The following ULK4 variants were observed in gnomAD, a reference collection of about 807,000 sequenced individuals.
The protein encoded by ULK4 is inactive serine/threonine-protein kinase ULK4.
ULK4 carries 133 observed loss-of-function variants against 160.6 expected under a neutral mutation model. The ratio of observed to expected loss-of-function variants is 0.83; its 90% CI spans 0.72 to 0.96. ULK4 has a LOEUF of 0.96. ULK4 is among the 40% of genes least tolerant of loss of function. ULK4 has a pLI of 0.00. For synonymous variants in ULK4, 534 were observed against 539.8 expected, an observed-to-expected ratio of 0.99 and a Z score of 0.15; for missense variants, 1,580 against 1,499.5, an observed-to-expected ratio of 1.05 and a Z score of -0.89.
At chr3:41,280,096 CAAG>C (rs1289458030) in intron 35 of ULK4, among the ~76,000 whole-genome samples, 1 of 152,188 alleles carries the variant, frequency 6.6e-6, no homozygotes, top group Non-Finnish European at 1.5e-5. Context: ...ACCAATTCAA[CAAG>C]AAGAGCTAAC....
chr3:41,922,176 T>C (rs1418441164), intron 5 of ULK4, among the ~76,000 whole-genome samples: 1 of 151,458 alleles, frequency 6.6e-6, no homozygotes, highest in Non-Finnish European at 1.5e-5. Flanking sequence ...AAAAATAAAA[T>C]AAGAAAGCTG....
chr3:41,953,297 T>TAC (rs1700359563), intron 2 of ULK4, among the ~76,000 whole-genome samples: 2 of 113,160 alleles, frequency 1.8e-5, no homozygotes, highest in Non-Finnish European at 3.5e-5. Context: ...TATATATATA[T>TAC]ATATATATTT....
At chr3:41,610,537 T>C (rs946116261) in intron 31 of ULK4, among the ~76,000 whole-genome samples, 3 of 152,214 alleles carry the variant, frequency 2.0e-5, no homozygotes, top group African/African-American at 7.2e-5. Flanking sequence ...ATTCCTTAAA[T>C]GTAATGTGAC....
chr3:41,961,182 G>A (rs1700653117), intron 1 of ULK4, among the ~76,000 whole-genome samples: 1 of 152,132 alleles, frequency 6.6e-6, no homozygotes, highest in African/African-American at 2.4e-5. Context: ...AAGAGTCGGG[G>A]GCAGGTCCTA....
chr3:41,277,456 C>A (rs1462983365), intron 35 of ULK4, among the ~76,000 whole-genome samples: 1 of 152,150 alleles, frequency 6.6e-6, no homozygotes, highest in Non-Finnish European at 1.5e-5. Flanking sequence ...ATATGCAAGT[C>A]AATAAATGTC....
intron 8 of ULK4, among the ~76,000 whole-genome samples, chr3:41,914,432 G>A (rs1161881974): frequency 6.6e-6 from 1 of 152,198 alleles, no homozygotes; most frequent in Non-Finnish European, 1.5e-5. Context: ...CTGTAGATGA[G>A]AGTGGGAGGG....
intron 31 of ULK4, among the ~76,000 whole-genome samples, chr3:41,570,834 C>T (rs2087948635): frequency 6.6e-6 from 1 of 152,110 alleles, no homozygotes; most frequent in Non-Finnish European, 1.5e-5. Flanking sequence ...GGACCCCCTG[C>T]CTGGAGATCC....
At chr3:41,590,335 G>A (rs1463233247) in intron 31 of ULK4, among the ~76,000 whole-genome samples, 1 of 151,490 alleles carries the variant, frequency 6.6e-6, no homozygotes, top group African/African-American at 2.4e-5. Context: ...AAAAAGAAGG[G>A]CCTGGTGCAG....
intron 35 of ULK4, among the ~76,000 whole-genome samples, chr3:41,268,338 T>A (rs746086768): frequency 2.0e-5 from 3 of 152,152 alleles, no homozygotes; most frequent in Non-Finnish European, 2.9e-5. Context: ...TCTTTTCCTC[T>A]CTCCTGAGGT....
At chr3:41,474,052 G>A (rs2084069229) in intron 32 of ULK4, among the ~76,000 whole-genome samples, 1 of 152,050 alleles carries the variant, frequency 6.6e-6, no homozygotes, top group Non-Finnish European at 1.5e-5. Flanking sequence ...AAATGGCCAA[G>A]GCAATATTGA....
chr3:41,561,660 T>C (rs1460473140), intron 32 of ULK4, among the ~76,000 whole-genome samples: 1 of 152,250 alleles, frequency 6.6e-6, no homozygotes, highest in African/African-American at 2.4e-5. Context: ...GAGGTGTTTA[T>C]AGTATTCTCT....
At chr3:41,852,620 G>C (rs2042244153) in intron 17 of ULK4, among the ~76,000 whole-genome samples, 1 of 152,044 alleles carries the variant, frequency 6.6e-6, no homozygotes, top group South Asian at 2.1e-4. Context: ...GGGAAACAGA[G>C]AAAACAGGAC....
intron 32 of ULK4, among the ~76,000 whole-genome samples, chr3:41,546,706 C>T (rs1193308005): frequency 6.6e-6 from 1 of 150,712 alleles, no homozygotes; most frequent in Non-Finnish European, 1.5e-5. Context: ...CTGGTCTCTT[C>T]CTTCCCAAGC....
At position 41,919,775 on chromosome 3, in the gene ULK4, G is replaced by A; in HGVS notation, c.585C>T (p.Asp195=). ...ACCAGAGGTCACTGGAGATGGAAAA[G>A]TCAGCACCCCTCACAACTTCTGGTG... ...YTAPEVVRGA[D]FSISSDLWSL... is the part of the protein sequence containing the mutation. The change falls in exon 6 of 37, where the codon GAC becomes GAT. Residue 195 remains aspartate (D), a synonymous_variant. Coordinates refer to ENST00000301831, the MANE Select transcript of ULK4 (RefSeq NM_017886.4). The A allele has an allele frequency of 1.2e-6, 2 of 1,614,066 alleles. No homozygotes were observed. The highest frequency in any genetic ancestry group is 1.7e-6 in the Non-Finnish European group (2 of 1,179,972).
At chr3:41,529,402 G>C (rs1448967722) in intron 32 of ULK4, among the ~76,000 whole-genome samples, 1 of 152,162 alleles carries the variant, frequency 6.6e-6, no homozygotes, top group Admixed American at 6.5e-5. Context: ...CAAAGTTTTA[G>C]CAATATCAAG....
At chr3:41,815,669 G>C (rs948134751) in intron 19 of ULK4, among the ~76,000 whole-genome samples, 1 of 152,110 alleles carries the variant, frequency 6.6e-6, no homozygotes, top group African/African-American at 2.4e-5. Flanking sequence ...AGGGAGATGG[G>C]GGAAGTTATT....
intron 35 of ULK4, among the ~76,000 whole-genome samples, chr3:41,348,206 CAAAAAAAAAAA>C (rs1197234650): frequency 2.6e-4 from 6 of 22,958 alleles, no homozygotes; most frequent in African/African-American, 1.0e-3. Context: ...AACTCTGTCT[CAAAAAAAAAAA>C]AAAAAAAAAA....
intron 20 of ULK4, among the ~76,000 whole-genome samples, chr3:41,795,225 T>G (rs1157895941): frequency 6.6e-6 from 1 of 152,362 alleles, no homozygotes; most frequent in East Asian, 1.9e-4. Context: ...CCTCAGTCTT[T>G]AATAAATCCT....
rs374807458 is a variant in ULK4 at position 41,883,904 on chromosome 3, A to G, written c.1626T>C (p.Ala542=). 1.8e-4 allele frequency: 292 copies of G among 1,610,200 alleles called. 1 individual carries two copies. The African/African-American group carries it at 3.4e-3, about 19-fold the overall frequency. ...HVIGLLASHT[A]ELQENTPVVE... ...CAACAGGTGTATTTTCCTGGAGCTC[A>G]GCTGTGTGCGAAGCCAGTAAACCAA... The change falls in exon 17 of 37, where the codon GCT becomes GCC. Residue 542 remains alanine, a synonymous_variant. Transcript: ENST00000301831.
Sources: gnomAD v4.1 joint callset for allele counts (sites outside exome capture counted in the v4.1 genomes callset) on GRCh38, gnomAD v4.1.1 for gene constraint, MANE v1.5 for transcripts, NCBI Gene and HGNC (gene_info 2026-07-23, HGNC 2026-07-21) for gene names.